The following TSPOAP1 variants were observed in gnomAD, a reference collection of about 807,000 sequenced individuals.
TSPOAP1 encodes TSPO associated protein 1.
Under a neutral mutation model 197.0 loss-of-function variants are expected in TSPOAP1, and 87 were observed. The ratio of observed to expected loss-of-function variants is 0.44; its 90% CI spans 0.37 to 0.53. TSPOAP1 has a LOEUF of 0.53. TSPOAP1 is among the 20% of genes least tolerant of loss of function. The probability of loss-of-function intolerance (pLI) is 0.00; values close to 1 mark genes in which losing one functional copy is unlikely to be tolerated. For synonymous variants in TSPOAP1, 913 were observed against 998.9 expected (o/e 0.91, Z 1.62); for missense variants, 2,174 against 2,411.3 (o/e 0.90, Z 2.06).
At position 58,322,292 on chromosome 17, in the gene TSPOAP1, C is replaced by T; in HGVS notation, c.1422+16G>A. 6.3e-7 allele frequency: 1 copy of T among 1,599,838 alleles called. No individual in the cohort carries two copies. Among genetic ancestry groups the T allele is most frequent in the Admixed American group, 1.7e-5 (1 of 59,660 alleles). ...GGTGTCCAGCAGCCTGCCAGCTTCC[C>T]TCACTGCCGCCCCACCTGCTGCAGT... On this transcript the variant is annotated intron_variant, in intron 10 of 31. Coordinates refer to ENST00000343736, the MANE Select transcript of TSPOAP1 (RefSeq NM_004758.4). This position sits in a 1 kb window ranked among gnomAD's most constrained non-coding sequence, Gnocchi z 5.0.
intron 27 of TSPOAP1, 68 bp from the exon 28 acceptor site, chr17:58,305,711 C>T: frequency 7.0e-7 from 1 of 1,428,720 alleles, no homozygotes. Flanking sequence ...GTCTTCTGCC[C>T]CGGACCCCTG....
Position 58,324,913 on chromosome 17 carries a change from C to G in TSPOAP1, c.840G>C (p.Ala280=). The G allele has an allele frequency of 6.5e-7, 1 of 1,536,796 alleles. No individual in the cohort carries two copies. The highest frequency in any genetic ancestry group is 8.7e-7 in the Non-Finnish European group (1 of 1,145,576). ...GGAGCGTCTCCCGCTGGTTGCGCAG[C>G]GCGATCTGCCTCTGCAGCCGCAGCA... ...REVLRLQRQI[A]LRNQRETLPL... is the part of the protein sequence containing the mutation. Residue 280 remains alanine (A), a synonymous_variant, in exon 5 of 32, where the codon GCG becomes GCC. Coordinates refer to ENST00000343736, the MANE Select transcript of TSPOAP1 (RefSeq NM_004758.4). This position sits in a 1 kb window ranked among gnomAD's most constrained non-coding sequence, Gnocchi z 5.8.
chr17:58,311,952 G>T lies in TSPOAP1; in HGVS notation c.2869C>A (p.Pro957Thr). The stretch of plus-strand genomic sequence containing the variant: ...CGCTGCTCCAGCCTCTCCCAGCCTG[G>T]TTCCCAGGGCCCTTGGGGTGGGAGC... ...AQLPPQGPWE[P>T]GWERLEQRAA... The change falls in exon 17 of 32, where the codon CCA becomes ACA. Residue 957 changes from proline to threonine, a missense_variant. This residue lies in a region of TSPOAP1 where 1,933 missense variants were observed against 2,139.0 expected (regional missense o/e 0.90). Coordinates refer to ENST00000343736, the MANE Select transcript of TSPOAP1 (RefSeq NM_004758.4). The T allele has an allele frequency of 6.3e-7, 1 of 1,598,080 alleles. No homozygotes were observed. Among genetic ancestry groups the T allele is most frequent in the East Asian group, 2.2e-5 (1 of 44,760 alleles).
At chr17:58,306,131 C>T (rs1970881243) in intron 26 of TSPOAP1, among the ~76,000 whole-genome samples, 2 of 152,228 alleles carry the variant, frequency 1.3e-5, no homozygotes, top group African/African-American at 4.8e-5. Context: ...CGGAACAAAG[C>T]CCCCCATGGG....
Position 58,301,609 on chromosome 17 carries a change from C to A in TSPOAP1, c.*871G>T, listed in dbSNP as rs1011303943. On this transcript the variant is annotated 3_prime_UTR_variant, in exon 32 of 32. Transcript: ENST00000343736. Reference sequence around the variant, plus strand: ...GGCCCCAGGGTCTTTGGGGGCGGGACCTTACAGGGGCCAGCAGGCCCCGGC... The same window carrying A: ...GGCCCCAGGGTCTTTGGGGGCGGGAACTTACAGGGGCCAGCAGGCCCCGGC... The A allele has an allele frequency of 6.5e-6, 1 of 152,674 alleles. No individual in the cohort carries two copies. Among genetic ancestry groups the A allele is most frequent in the African/African-American group, 2.4e-5 (1 of 41,448 alleles). The allele number at this position is 152,674 out of a possible 1,614,324, so 9.5% of individuals were successfully genotyped here.
In TSPOAP1 at chr17:58,324,846, T is replaced by C. The variant is rs955740226; in HGVS notation, c.907A>G (p.Arg303Gly). Residue 303 changes from arginine (R) to glycine (G), a missense_variant, in exon 5 of 32, where the codon AGA (arginine) becomes GGA (glycine). By Grantham distance (125) the Arg-to-Gly change is moderately radical. Coordinates refer to ENST00000343736, the MANE Select transcript of TSPOAP1 (RefSeq NM_004758.4). The surrounding 1 kb of genome is among the most constrained non-coding windows in gnomAD (Gnocchi z 5.8). ...SWPPGPALQA[R>G]AGAPAPGAPG... Reference sequence around the variant, plus strand: ...GCCCCGGGAGCAGGCGCCCCTGCTCTGGCCTGGAGAGCAGGGCCCGGGGGC... The same window carrying C: ...GCCCCGGGAGCAGGCGCCCCTGCTCCGGCCTGGAGAGCAGGGCCCGGGGGC... The C allele has an allele frequency of 5.3e-6, 8 of 1,514,810 alleles. No homozygotes were observed. The African/African-American group carries it at 8.3e-5, about 16-fold the overall frequency. The allele number at this position is 1,514,810 out of a possible 1,614,324, so 93.8% of individuals were successfully genotyped here.
rs73315984 is a variant in TSPOAP1, at chr17:58,316,111, G to C, written c.2010C>G (p.Pro670=). The change falls in exon 16 of 32, where the codon CCC becomes CCG. Residue 670 remains proline (P), a synonymous_variant. Coordinates refer to ENST00000343736, the MANE Select transcript of TSPOAP1 (RefSeq NM_004758.4). ...ARYSYNPFEG[P]NENPEAELPL... ...GAAGCTCTGCTTCTGGATTCTCATT[G>C]GGACCCTCAAAGGGGTTGTAGCTGT... The C allele has an allele frequency of 7.5e-4, 1,210 of 1,614,032 alleles. 6 individuals carry two copies. In the African/African-American group the frequency reaches 0.014, roughly 19 times the overall value.
At position 58,310,583 on chromosome 17, in the gene TSPOAP1, C is replaced by T. The variant is rs752409414; in HGVS notation, c.3628G>A (p.Ala1210Thr). The T allele has an allele frequency of 1.5e-5, 24 of 1,613,270 alleles. No individual in the cohort carries two copies. The East Asian group carries it at 3.6e-4, about 24-fold the overall frequency. ...ATCTCGGTATTTGGCGCCTGCTGGG[C>T]CCGTGCTCCCTGGGTGGAGCTGGAG... ...PASSSTQGAR[A>T]QQAPNTEMCQ... is the part of the protein sequence containing the mutation. Residue 1210 changes from alanine to threonine, a missense_variant, in exon 20 of 32, where the codon GCC becomes ACC. Ala to Thr is a moderately conservative substitution (Grantham distance 58). This residue lies in a region of TSPOAP1 where 1,933 missense variants were observed against 2,139.0 expected (regional missense o/e 0.90). Coordinates refer to ENST00000343736, the MANE Select transcript of TSPOAP1 (RefSeq NM_004758.4).
In TSPOAP1 at chr17:58,301,656, G is replaced by C. The variant is rs1055078119; in HGVS notation, c.*824C>G. ...CGGCAGGGAAGGATGGAGCACGACG[G>C]GGGCAGGGTGGGGCCCACTTTGGCT... On this transcript the variant is annotated 3_prime_UTR_variant, in exon 32 of 32. Transcript: ENST00000343736. 2 of 152,752 alleles carry C rather than the reference G, an allele frequency of 1.3e-5. No individual in the cohort carries two copies. The highest frequency in any genetic ancestry group is 4.8e-5 in the African/African-American group (2 of 41,460). The allele number at this position is 152,752 out of a possible 1,614,324, so 9.5% of individuals were successfully genotyped here.
At position 58,305,463 on chromosome 17, in the gene TSPOAP1, G is replaced by A. The variant is rs1443170449; in HGVS notation, c.5362-5C>T. ...TGCCCGGAAGGGCAGCTCTGCCTGT[G>A]GAAAACAAGAGGAGGGCATCAGGCC... On this transcript the variant is annotated splice_region_variant and splice_polypyrimidine_tract_variant and intron_variant, in intron 28 of 31. Transcript: ENST00000343736. 4.3e-6 allele frequency: 7 copies of A among 1,613,792 alleles called. No homozygotes were observed. Among genetic ancestry groups the A allele is most frequent in the Non-Finnish European group, 5.9e-6 (7 of 1,179,908 alleles).
intron 17 of TSPOAP1, 41 bp downstream of exon 17, chr17:58,311,851 C>T: frequency 6.7e-7 from 1 of 1,495,522 alleles, no homozygotes; most frequent in Non-Finnish European, 8.9e-7. Flanking sequence ...CATGGCCTGG[C>T]CTCCTGGGTG....
In TSPOAP1 at chr17:58,316,109, T is replaced by A; in HGVS notation, c.2012A>T (p.Asn671Ile). The A allele has an allele frequency of 6.2e-7, 1 of 1,614,052 alleles. No homozygotes were observed. The highest frequency in any genetic ancestry group is 8.5e-7 in the Non-Finnish European group (1 of 1,179,978). ...RYSYNPFEGP[N>I]ENPEAELPLT... ...CGGAAGCTCTGCTTCTGGATTCTCATTGGGACCCTCAAAGGGGTTGTAGCT... is the reference window on the plus strand; with the variant it reads ...CGGAAGCTCTGCTTCTGGATTCTCAATGGGACCCTCAAAGGGGTTGTAGCT... Residue 671 changes from asparagine to isoleucine, a missense_variant, in exon 16 of 32, where the codon AAT becomes ATT. Coordinates refer to ENST00000343736, the MANE Select transcript of TSPOAP1 (RefSeq NM_004758.4).
At chr17:58,320,713 G>A (rs932995892) in intron 10 of TSPOAP1, 132 bp from the exon 11 acceptor site, 103 of 658,220 alleles carry the variant, frequency 1.6e-4, no homozygotes, top group Non-Finnish European at 2.1e-4. Context: ...AAAAGGGTAG[G>A]GAGAGAGGGA....
rs769282338 is a variant in TSPOAP1 at position 58,304,392 on chromosome 17, C to T, written c.5552G>A (p.Arg1851Lys). 1.2e-6 allele frequency: 2 copies of T among 1,613,648 alleles called. No individual in the cohort carries two copies. Among genetic ancestry groups the T allele is most frequent in the South Asian group, 2.2e-5 (2 of 91,076 alleles). ...CATCTAGCACTGGACTCTTCTCCTC[C>T]TCGTTCTCTGAGGACAGGGAACAAA... ...RTPQAESQRTRRRRVQC is the reference protein window; with the variant it reads ...RTPQAESQRTKRRRVQC Residue 1851 changes from arginine (R) to lysine (K), a missense_variant, in exon 31 of 32, where the codon AGG (arginine) becomes AAG (lysine). Arg to Lys is a conservative substitution (Grantham distance 26). Coordinates refer to ENST00000343736, the MANE Select transcript of TSPOAP1 (RefSeq NM_004758.4). The surrounding 1 kb of genome is among the most constrained non-coding windows in gnomAD (Gnocchi z 4.2).
In TSPOAP1 at chr17:58,316,493, G is replaced by A. The variant is rs377307226; in HGVS notation, c.1920C>T (p.Ser640=). 1.5e-5 allele frequency: 24 copies of A among 1,613,564 alleles called. No individual in the cohort carries two copies. The highest frequency in any genetic ancestry group is 1.7e-5 in the Non-Finnish European group (20 of 1,179,758). ...TGCCCTCTGGCGCAGCTGGGAGCAG[G>A]GAGACACTGTCTGCCTCCAGCTCCT... ...EVEELEADSV[S]LLPAAPEGSR... Residue 640 remains serine, a synonymous_variant, in exon 15 of 32, where the codon TCC becomes TCT. Coordinates refer to ENST00000343736, the MANE Select transcript of TSPOAP1 (RefSeq NM_004758.4).
chr17:58,327,914 G>C lies in TSPOAP1; in HGVS notation c.7C>G (p.Gln3Glu), dbSNP rs1423239244. Residue 3 changes from glutamine to glutamate, a missense_variant, in exon 1 of 32, where the codon CAA (glutamine) becomes GAA (glutamate). Transcript: ENST00000343736. Reference protein sequence around the residue: MEQLTTLPRPGDP... With the variant: MEELTTLPRPGDP... ...CCAGGCCGTGGGAGGGTTGTCAGTT[G>C]CTCCATGGTACTGCCAAGGGGCCCC... 2 of 1,597,028 alleles carry C rather than the reference G, an allele frequency of 1.3e-6. No individual in the cohort carries two copies. The highest frequency in any genetic ancestry group is 2.2e-5 in the South Asian group (2 of 90,458).
rs148557307 is a variant in TSPOAP1, at chr17:58,304,483, G to T, written c.5545-84C>A. 3 of 1,123,128 alleles carry T rather than the reference G, an allele frequency of 2.7e-6. No individual in the cohort carries two copies. The highest frequency in any genetic ancestry group is 1.5e-5 in the African/African-American group (1 of 65,388). 69.6% of individuals were successfully genotyped at this position (1,123,128 alleles called of 1,614,324 possible). A position where few individuals can be genotyped will look rare whatever the true frequency, so the allele number is the denominator to read the frequency against. On this transcript the variant is annotated intron_variant, in intron 30 of 31. Coordinates refer to ENST00000343736, the MANE Select transcript of TSPOAP1 (RefSeq NM_004758.4). The surrounding 1 kb of genome is among the most constrained non-coding windows in gnomAD (Gnocchi z 4.2). ...CCGGCCACCAGGTGGCCCTGCGCAGGGGTGGGCCCTACTCTCCAAGGCCTT... is the reference window on the plus strand; with the variant it reads ...CCGGCCACCAGGTGGCCCTGCGCAGTGGTGGGCCCTACTCTCCAAGGCCTT...
At chr17:58,320,845 T>G (rs1971383356) in intron 10 of TSPOAP1, among the ~76,000 whole-genome samples, 2 of 152,062 alleles carry the variant, frequency 1.3e-5, no homozygotes, top group African/African-American at 2.4e-5. Context: ...CTCCCCTCTT[T>G]CCTGAGCAAC....
At chr17:58,327,453 G>T (rs1483574306) in intron 1 of TSPOAP1, 135 bp downstream of exon 1, 2 of 803,964 alleles carry the variant, frequency 2.5e-6, no homozygotes, top group African/African-American at 1.7e-5. Context: ...TAGCCACAGA[G>T]ATGGACCCAC....
Sources: allele counts gnomAD v4.1 joint callset (sites outside exome capture counted in the v4.1 genomes callset), GRCh38; gene constraint gnomAD v4.1.1; regional missense constraint gnomAD v4.1.1; non-coding constraint Gnocchi (gnomAD v3.1); transcripts MANE v1.5; gene names NCBI Gene and HGNC (gene_info 2026-07-23, HGNC 2026-07-21).